The following GPC6 variants were observed in gnomAD, a reference collection of about 807,000 sequenced individuals.
GPC6 encodes the protein glypican-6.
GPC6 carries 14 observed loss-of-function variants against 55.2 expected under a neutral mutation model. That is an observed-to-expected ratio of 0.25 (90% CI 0.17 to 0.40). The LOEUF is 0.40. GPC6 is among the 10% of genes least tolerant of loss of function. The pLI is 1.00. For missense variants in GPC6, 641 were observed against 708.5 expected (o/e 0.90, Z 1.08); for synonymous variants, 278 against 259.6 (o/e 1.07, Z -0.68).
intron 7 of GPC6, among the ~76,000 whole-genome samples, chr13:94,393,170 T>A (rs1423540526): frequency 6.6e-6 from 1 of 152,208 alleles, no homozygotes; most frequent in African/African-American, 2.4e-5. Flanking sequence ...AAACCACATG[T>A]GTTTCAGAAT....
At chr13:94,173,368 A>T (rs558047098) in intron 4 of GPC6, among the ~76,000 whole-genome samples, 1 of 152,296 alleles carries the variant, frequency 6.6e-6, no homozygotes, top group Admixed American at 6.5e-5. Flanking sequence ...CAAGGATAAG[A>T]TGGCTTCCTG....
chr13:94,351,203 C>T (rs528131197), intron 6 of GPC6, among the ~76,000 whole-genome samples: 6 of 152,028 alleles, frequency 3.9e-5, no homozygotes, highest in African/African-American at 9.7e-5. Context: ...GAAGGAACCT[C>T]GTAAAAATAA....
chr13:94,065,990 G>C (rs1884503578), intron 4 of GPC6, among the ~76,000 whole-genome samples: 1 of 152,108 alleles, frequency 6.6e-6, no homozygotes. Context: ...TATTTCATTA[G>C]GTCTTTTGAA....
At chr13:93,959,941 G>A (rs1319251810) in intron 3 of GPC6, among the ~76,000 whole-genome samples, 1 of 152,144 alleles carries the variant, frequency 6.6e-6, no homozygotes, top group East Asian at 1.9e-4. Flanking sequence ...CCTCTAAAAA[G>A]CCTTGTGTGT....
At chr13:94,240,106 G>A (rs773715896) in intron 4 of GPC6, among the ~76,000 whole-genome samples, 19 of 152,076 alleles carry the variant, frequency 1.2e-4, no homozygotes, top group Admixed American at 5.2e-4. Flanking sequence ...ACTGAAGTAG[G>A]ATGGACCCTC....
At chr13:93,361,645 C>T (rs772827120) in intron 1 of GPC6, among the ~76,000 whole-genome samples, 3 of 152,030 alleles carry the variant, frequency 2.0e-5, no homozygotes, top group Non-Finnish European at 4.4e-5. Context: ...TTACAAATTG[C>T]ACAAAATAAG....
At chr13:93,428,490 G>A (rs1264188118) in intron 1 of GPC6, among the ~76,000 whole-genome samples, 1 of 152,070 alleles carries the variant, frequency 6.6e-6, no homozygotes, top group East Asian at 1.9e-4. Flanking sequence ...AATATCATCT[G>A]TTGAAAATGT....
In GPC6 at chr13:93,677,498, A is replaced by G. The variant is rs373831311; in HGVS notation, c.319+132077A>G. Among the ~76,000 whole-genome samples the G allele has an allele frequency of 5.9e-5, 9 of 152,188 alleles. No individual in the cohort carries two copies. In the South Asian group the frequency reaches 8.3e-4, roughly 14 times the overall value. ...AGGCTTATTATATATAATATAATACATAATAATTATTCAAGGCTTCTTCAG... is the reference window on the plus strand; with the variant it reads ...AGGCTTATTATATATAATATAATACGTAATAATTATTCAAGGCTTCTTCAG... On this transcript the variant is annotated intron_variant, in intron 2 of 8. Transcript: ENST00000377047.
At chr13:93,598,338 T>C (rs1388521503) in intron 2 of GPC6, among the ~76,000 whole-genome samples, 1 of 152,164 alleles carries the variant, frequency 6.6e-6, no homozygotes, top group African/African-American at 2.4e-5. Flanking sequence ...TGTCCTGTTT[T>C]CAAACCATCT....
intron 1 of GPC6, among the ~76,000 whole-genome samples, chr13:93,521,304 T>TC (rs1881412778): frequency 6.6e-6 from 1 of 151,870 alleles, no homozygotes; most frequent in Non-Finnish European, 1.5e-5. Context: ...TCTTTTCTTT[T>TC]CTTTTTTTTT....
chr13:93,224,665 A>G (rs1027278478), upstream of GPC6, among the ~76,000 whole-genome samples: 3 of 152,186 alleles, frequency 2.0e-5, no homozygotes, highest in African/African-American at 7.2e-5. Context: ...AGGAACTTCC[A>G]TAACATTCCA....
At chr13:94,220,127 C>T (rs1375764246) in intron 4 of GPC6, among the ~76,000 whole-genome samples, 1 of 152,138 alleles carries the variant, frequency 6.6e-6, no homozygotes, top group Non-Finnish European at 1.5e-5. Flanking sequence ...AGTTCAATCA[C>T]ATCAACAGTC....
At chr13:93,376,724 A>G (rs1440291456) in intron 1 of GPC6, among the ~76,000 whole-genome samples, 2 of 147,630 alleles carry the variant, frequency 1.4e-5, no homozygotes, top group Non-Finnish European at 3.0e-5. Flanking sequence ...CTTTTATATC[A>G]TTTTTCAGTT....
At chr13:94,364,229 A>G (rs1380400738) in intron 6 of GPC6, among the ~76,000 whole-genome samples, 1 of 152,174 alleles carries the variant, frequency 6.6e-6, no homozygotes, top group African/African-American at 2.4e-5. Flanking sequence ...TGCAGCTTGT[A>G]GGAGACTAAG....
At chr13:93,381,927 T>C (rs1875191696) in intron 1 of GPC6, among the ~76,000 whole-genome samples, 1 of 152,134 alleles carries the variant, frequency 6.6e-6, no homozygotes, top group Non-Finnish European at 1.5e-5. Flanking sequence ...TTAAAGTATG[T>C]TACTTTTTAA....
At chr13:93,246,385 C>G (rs1360134204) in intron 1 of GPC6, among the ~76,000 whole-genome samples, 1 of 146,208 alleles carries the variant, frequency 6.8e-6, no homozygotes, top group Admixed American at 7.1e-5. Flanking sequence ...GCCAGTGCTT[C>G]TCCACAGAAT....
At chr13:93,598,138 A>C (rs1048997393) in intron 2 of GPC6, among the ~76,000 whole-genome samples, 1 of 151,912 alleles carries the variant, frequency 6.6e-6, no homozygotes, top group Non-Finnish European at 1.5e-5. Context: ...GCGAGACTCC[A>C]TCTCAAAATA....
chr13:93,346,922 TATC>T (rs35091241), intron 1 of GPC6, among the ~76,000 whole-genome samples: 58,606 of 151,912 alleles, frequency 0.39, 14,564 homozygotes, highest in Non-Finnish European at 0.56. Flanking sequence ...TTTGTTATGT[TATC>T]ATCTTTGTTA....
chr13:93,495,073 C>G, intron 1 of GPC6, among the ~76,000 whole-genome samples: 1 of 114,926 alleles, frequency 8.7e-6, no homozygotes, highest in Admixed American at 9.1e-5. Context: ...GTTGGCCTGC[C>G]TTGCTAGATT....
Sources: allele counts gnomAD v4.1 joint callset (sites outside exome capture counted in the v4.1 genomes callset), GRCh38; gene constraint gnomAD v4.1.1; transcripts MANE v1.5; gene names NCBI Gene and HGNC (gene_info 2026-07-23, HGNC 2026-07-21).